Variants in TCF12 observed in about 807,000 individuals in gnomAD.
TCF12 encodes transcription factor 12.
TCF12 carries 45 observed loss-of-function variants against 86.0 expected under a neutral mutation model. That is an observed-to-expected ratio of 0.52 (90% CI 0.41 to 0.67). The LOEUF is 0.67. TCF12 is among the 30% of genes least tolerant of loss of function. TCF12 has a pLI of 0.00. For synonymous variants in TCF12, 330 were observed against 299.6 expected, an observed-to-expected ratio of 1.10 and a Z score of -1.05; for missense variants, 881 against 859.9, an observed-to-expected ratio of 1.02 and a Z score of -0.31.
chr15:56,967,836 T>C (rs2062077716), intron 3 of TCF12, among the ~76,000 whole-genome samples: 1 of 152,204 alleles, frequency 6.6e-6, no homozygotes, highest in Non-Finnish European at 1.5e-5. Context: ...GTAACCATAG[T>C]AGAATTTCCA....
chr15:57,271,053 A>G (rs2152090425), intron 18 of TCF12, among the ~76,000 whole-genome samples: 1 of 152,284 alleles, frequency 6.6e-6, no homozygotes, highest in East Asian at 1.9e-4. Flanking sequence ...CAGTCTCTCC[A>G]TTATCAGAGC....
chr15:57,127,028 G>A (rs1333420192), intron 5 of TCF12, among the ~76,000 whole-genome samples: 2 of 149,372 alleles, frequency 1.3e-5, no homozygotes, highest in East Asian at 3.9e-4. Context: ...TGTTGCCCAG[G>A]CTGAAGTGCA....
At chr15:57,116,616 G>A (rs1322965922) in intron 5 of TCF12, among the ~76,000 whole-genome samples, 1 of 151,920 alleles carries the variant, frequency 6.6e-6, no homozygotes, top group Non-Finnish European at 1.5e-5. Flanking sequence ...CAAAGTGCTG[G>A]GATTACAGGA....
intron 6 of TCF12, among the ~76,000 whole-genome samples, chr15:57,175,362 A>C (rs1174644094): frequency 2.0e-5 from 3 of 152,098 alleles, no homozygotes; most frequent in African/African-American, 7.2e-5. Context: ...TGTGTCTTAA[A>C]AAAAAGAATT....
At chr15:57,205,158 A>G (rs1257558509) in intron 8 of TCF12, among the ~76,000 whole-genome samples, 2 of 152,118 alleles carry the variant, frequency 1.3e-5, no homozygotes, top group Non-Finnish European at 2.9e-5. Context: ...ATAAAGAAAT[A>G]CAAAAATTAG....
intron 8 of TCF12, among the ~76,000 whole-genome samples, chr15:57,222,180 T>TA (rs1300204988): frequency 6.6e-6 from 1 of 151,746 alleles, no homozygotes; most frequent in Admixed American, 6.6e-5. Context: ...TGACAAACCC[T>TA]AAGTGGTCCT....
At chr15:57,104,861 GTTTTTTTT>G (rs11336613) in intron 5 of TCF12, among the ~76,000 whole-genome samples, 10 of 71,480 alleles carry the variant, frequency 1.4e-4, no homozygotes, top group South Asian at 6.9e-4. Context: ...CTTTGGTGGT[GTTTTTTTT>G]TTTTTTTTTT....
chr15:56,918,528 A>C (rs1469624844), upstream of TCF12: 1 of 297,034 alleles, frequency 3.4e-6, no homozygotes, highest in South Asian at 2.4e-5. Context: ...GGCTCCTCCC[A>C]GTCCCCGACA....
chr15:57,094,805 C>A (rs1259742640), intron 5 of TCF12, among the ~76,000 whole-genome samples: 1 of 152,126 alleles, frequency 6.6e-6, no homozygotes, highest in Non-Finnish European at 1.5e-5. Flanking sequence ...GATTGTACAT[C>A]TAGGGAATGT....
At chr15:56,962,327 G>T (rs1386637076) in intron 3 of TCF12, among the ~76,000 whole-genome samples, 1 of 152,152 alleles carries the variant, frequency 6.6e-6, no homozygotes, top group Non-Finnish European at 1.5e-5. Flanking sequence ...CTGCTTAGCA[G>T]AGTGCTCTGT....
chr15:56,925,103 G>C (rs1412672000), intron 3 of TCF12, among the ~76,000 whole-genome samples: 3 of 152,108 alleles, frequency 2.0e-5, no homozygotes, highest in African/African-American at 4.8e-5. Flanking sequence ...GGAGGCTGGG[G>C]TGGGAGAATT....
chr15:57,055,013 A>T (rs193066500), intron 3 of TCF12, among the ~76,000 whole-genome samples: 4 of 151,572 alleles, frequency 2.6e-5, no homozygotes, highest in Non-Finnish European at 5.9e-5. Flanking sequence ...CCTAAGCTCT[A>T]TGTGTTTTGA....
At chr15:57,219,367 G>C in intron 8 of TCF12, 1 of 1,291,920 alleles carries the variant, frequency 7.7e-7, no homozygotes, top group Non-Finnish European at 9.9e-7. Context: ...TGTGCTCTGT[G>C]AGTTGGTTCA....
At chr15:57,268,499 C>T (rs907217901) in intron 18 of TCF12, among the ~76,000 whole-genome samples, 7 of 152,124 alleles carry the variant, frequency 4.6e-5, no homozygotes, top group East Asian at 3.8e-4. Context: ...CTCCCATGCC[C>T]GCCTCAGCTT....
At position 57,219,036 on chromosome 15, in the gene TCF12, C is replaced by T. The variant is rs529642391; in HGVS notation, c.580-12116C>T. On this transcript the variant is annotated intron_variant, in intron 8 of 20. Transcript: ENST00000333725. ...GATCATGTGTTTATCAAAGTTGAAG[C>T]AACTTTAGACCATGGCAGATGGTAA... is the stretch of plus-strand genomic sequence containing the variant. 8.6e-6 allele frequency: 9 copies of T among 1,046,572 alleles called. No individual in the cohort carries two copies. The African/African-American group carries it at 1.5e-4, about 17-fold the overall frequency. 64.8% of individuals were successfully genotyped at this position (1,046,572 alleles called of 1,614,324 possible). A position where few individuals can be genotyped will look rare whatever the true frequency, so the allele number is the denominator to read the frequency against.
intron 8 of TCF12, among the ~76,000 whole-genome samples, chr15:57,198,767 C>T (rs564870014): frequency 6.6e-6 from 1 of 151,950 alleles, no homozygotes; most frequent in East Asian, 1.9e-4. Flanking sequence ...AGTACTTAAC[C>T]CATGGGCGCA....
At chr15:57,153,902 A>G (rs372058849) in intron 5 of TCF12, among the ~76,000 whole-genome samples, 3 of 151,994 alleles carry the variant, frequency 2.0e-5, no homozygotes. Context: ...GGCAGCTGAC[A>G]TGGGAGGATC....
chr15:57,225,985 ATATCTCC>A (rs2058854583), intron 8 of TCF12, among the ~76,000 whole-genome samples: 1 of 149,826 alleles, frequency 6.7e-6, no homozygotes, highest in Non-Finnish European at 1.5e-5. Flanking sequence ...AACATTAGGT[ATATCTCC>A]TAATGCTATC....
At chr15:57,203,175 A>G (rs1318883479) in intron 8 of TCF12, among the ~76,000 whole-genome samples, 2 of 152,224 alleles carry the variant, frequency 1.3e-5, no homozygotes, top group Non-Finnish European at 2.9e-5. Context: ...CTACAAAAGG[A>G]AGGAAAACTT....
Sources: gnomAD v4.1 joint callset for allele counts (sites outside exome capture counted in the v4.1 genomes callset) on GRCh38, gnomAD v4.1.1 for gene constraint, MANE v1.5 for transcripts, NCBI Gene and HGNC (gene_info 2026-07-23, HGNC 2026-07-21) for gene names.